Variants in EIF3J observed in about 807,000 individuals in gnomAD.
EIF3J encodes eukaryotic translation initiation factor 3 subunit J, also known as eukaryotic translation initiation factor 3, subunit 1 (alpha, 35kD).
A neutral mutation model predicts 39.0 loss-of-function variants in EIF3J; 15 were observed. That is an observed-to-expected ratio of 0.38 (90% CI 0.26 to 0.59). The LOEUF (loss-of-function observed/expected upper bound fraction) is 0.59, where lower values mean the gene tolerates loss of function less well. EIF3J is among the 20% of genes least tolerant of loss of function. The probability of loss-of-function intolerance (pLI) is 0.60; values close to 1 mark genes in which losing one functional copy is unlikely to be tolerated. For synonymous variants in EIF3J, 98 were observed against 112.9 expected (o/e 0.87, Z 0.84); for missense variants, 226 against 308.6 (o/e 0.73, Z 2.00).
chr15:44,551,033 G>C (rs2082094624), intron 3 of EIF3J, 103 bp downstream of exon 3: 2 of 1,463,796 alleles, frequency 1.4e-6, no homozygotes, highest in Non-Finnish European at 1.8e-6. Flanking sequence ...GAACATTTTG[G>C]TATTTAGAAA....
At chr15:44,538,581 G>T (rs988041890) in intron 2 of EIF3J, among the ~76,000 whole-genome samples, 1 of 152,186 alleles carries the variant, frequency 6.6e-6, no homozygotes, top group Admixed American at 6.5e-5. Flanking sequence ...GTCCGATGAG[G>T]TTGGATGTGT....
chr15:44,552,261 G>GTTTTT (rs1328322594), intron 4 of EIF3J, among the ~76,000 whole-genome samples: 1 of 150,686 alleles, frequency 6.6e-6, no homozygotes, highest in Non-Finnish European at 1.5e-5. Flanking sequence ...TTTTGTTTTT[G>GTTTTT]TTTTTAGACA....
chr15:44,560,382 A>G (rs1048902546), intron 7 of EIF3J, 60 bp downstream of exon 7: 5 of 1,482,558 alleles, frequency 3.4e-6, no homozygotes, highest in African/African-American at 1.4e-5. Flanking sequence ...TAGGTCTAAC[A>G]GTCAACAAAT....
Position 44,537,381 on chromosome 15 carries a change from C to T in EIF3J, c.101C>T (p.Ala34Val), listed in dbSNP as rs1202109216. ...CGGAAGGTGGGGGGCGGCGGCACTG[C>T]CGGCGGGGACCGCTGGGAAGGCGAG... is the stretch of plus-strand genomic sequence containing the variant. Reference protein sequence around the residue: ...PVRKVGGGGTAGGDRWEGEDE... With the variant: ...PVRKVGGGGTVGGDRWEGEDE... The change falls in exon 2 of 8, where the codon GCC becomes GTC. Residue 34 changes from alanine to valine, a missense_variant. This residue lies in a region of EIF3J where 143 missense variants were observed against 156.0 expected (regional missense o/e 0.92). Transcript: ENST00000261868. The T allele has an allele frequency of 1.3e-6, 2 of 1,565,904 alleles. No individual in the cohort carries two copies. Among genetic ancestry groups the T allele is most frequent in the East Asian group, 2.3e-5 (1 of 42,574 alleles).
At position 44,548,540 on chromosome 15, in the gene EIF3J, C is replaced by T. The variant is rs1224835620; in HGVS notation, c.148-2336C>T. The stretch of plus-strand genomic sequence containing the variant: ...TGAAAATTTAGTATATGGTAAGTCA[C>T]AAGGTATCTTAAAATGTTTTTTGCT... On this transcript the variant is annotated intron_variant, in intron 2 of 7. Coordinates refer to ENST00000261868, the MANE Select transcript of EIF3J (RefSeq NM_003758.4). Among the ~76,000 whole-genome samples, 5 of 152,132 alleles carry T rather than the reference C, an allele frequency of 3.3e-5. No individual in the cohort carries two copies. In the East Asian group the frequency reaches 9.6e-4, roughly 29 times the overall value.
At chr15:44,558,469 C>A (rs1231919570) in intron 6 of EIF3J, among the ~76,000 whole-genome samples, 1 of 151,204 alleles carries the variant, frequency 6.6e-6, no homozygotes, top group African/African-American at 2.4e-5. Flanking sequence ...GCAAAGCTTG[C>A]AGTGAGCTGA....
chr15:44,547,012 G>A (rs992650299), intron 2 of EIF3J, among the ~76,000 whole-genome samples: 4 of 151,634 alleles, frequency 2.6e-5, no homozygotes, highest in Admixed American at 2.0e-4. Flanking sequence ...TAGTATAAAC[G>A]GGGTTTCATC....
In EIF3J at chr15:44,561,290, A is replaced by G; in HGVS notation, c.*141A>G. On this transcript the variant is annotated 3_prime_UTR_variant, in exon 8 of 8. Coordinates refer to ENST00000261868, the MANE Select transcript of EIF3J (RefSeq NM_003758.4). ...TGTGCTGGTTATTTAACCCCTTGAC[A>G]CTTAGGTGCTAATGTGCAAATGAGG... The G allele has an allele frequency of 9.9e-7, 1 of 1,006,450 alleles. No individual in the cohort carries two copies. Among genetic ancestry groups the G allele is most frequent in the Non-Finnish European group, 1.4e-6 (1 of 715,240 alleles). The allele number at this position is 1,006,450 out of a possible 1,614,324, so 62.3% of individuals were successfully genotyped here.
chr15:44,555,784 G>C (rs1051665335), intron 5 of EIF3J, among the ~76,000 whole-genome samples: 15 of 152,170 alleles, frequency 9.9e-5, no homozygotes, highest in Admixed American at 7.2e-4. Context: ...AATACCACAT[G>C]TAATATTGTT....
intron 3 of EIF3J, 89 bp from the exon 4 acceptor site, chr15:44,551,342 C>G: frequency 1.2e-6 from 1 of 837,336 alleles, no homozygotes; most frequent in Non-Finnish European, 1.8e-6. Flanking sequence ...AAGGTTTGGT[C>G]TCTTAATAGT....
Position 44,561,511 on chromosome 15 carries a change from A to ACC in EIF3J, c.*363_*364dup, listed in dbSNP as rs1427076127. 5.8e-5 allele frequency: 10 copies of ACC among 173,194 alleles called. No individual in the cohort carries two copies. The highest frequency in any genetic ancestry group is 2.4e-4 in the African/African-American group (10 of 42,142). The allele number at this position is 173,194 out of a possible 1,614,324, so 10.7% of individuals were successfully genotyped here. A position where few individuals can be genotyped will look rare whatever the true frequency, so the allele number is the denominator to read the frequency against. ...AGCACCATTCAGTAATACAGCCTTA[A>ACC]CCATACCTCCTTGAACTACTTCATA... On this transcript the variant is annotated 3_prime_UTR_variant, in exon 8 of 8. Transcript: ENST00000261868.
chr15:44,554,986 A>G (rs1219752940), intron 5 of EIF3J, among the ~76,000 whole-genome samples: 3 of 152,216 alleles, frequency 2.0e-5, no homozygotes, highest in Non-Finnish European at 2.9e-5. Context: ...TGAGGTCTGT[A>G]GCTTTGAAAT....
Position 44,561,944 on chromosome 15 carries a change from ATTTCCTTTCC to A in EIF3J, c.*804_*813del, listed in dbSNP as rs567102041. ...GGAACAACTTTACCAGGGTTTTGGC[ATTTCCTTTCC>A]TTTCCTTTATAAAACATGCTCAGCA... is the stretch of plus-strand genomic sequence containing the variant. On this transcript the variant is annotated 3_prime_UTR_variant, in exon 8 of 8. Coordinates refer to ENST00000261868, the MANE Select transcript of EIF3J (RefSeq NM_003758.4). 3 of 152,592 alleles carry A rather than the reference ATTTCCTTTCC, an allele frequency of 2.0e-5. No homozygotes were observed. The highest frequency in any genetic ancestry group is 4.4e-5 in the Non-Finnish European group (3 of 68,030). The allele number at this position is 152,592 out of a possible 1,614,324, so 9.5% of individuals were successfully genotyped here. A position where few individuals can be genotyped will look rare whatever the true frequency, so the allele number is the denominator to read the frequency against.
chr15:44,543,291 G>A (rs1006694118), intron 2 of EIF3J, among the ~76,000 whole-genome samples: 2 of 152,108 alleles, frequency 1.3e-5, no homozygotes, highest in Non-Finnish European at 2.9e-5. Flanking sequence ...GTGCTAGTTT[G>A]GTAGTAACTT....
At chr15:44,537,509 G>T in intron 2 of EIF3J, 82 bp downstream of exon 2, 1 of 1,363,560 alleles carries the variant, frequency 7.3e-7, no homozygotes, top group Non-Finnish European at 9.5e-7. Context: ...GGTCGCTGCC[G>T]GGGCCTGCGG....
At position 44,561,209 on chromosome 15, in the gene EIF3J, C is replaced by G; in HGVS notation, c.*60C>G. 1 of 1,550,044 alleles carries G rather than the reference C, an allele frequency of 6.5e-7. No homozygotes were observed. The highest frequency in any genetic ancestry group is 1.8e-5 in the Admixed American group (1 of 55,070). ...CCCACAATCCCTTGAACATGTAGCA[C>G]AACTTCCTTTCCTTTCAGTTCTGCC... On this transcript the variant is annotated 3_prime_UTR_variant, in exon 8 of 8. Transcript: ENST00000261868.
intron 5 of EIF3J, 36 bp from the exon 6 acceptor site, chr15:44,557,453 C>T: frequency 1.4e-6 from 2 of 1,449,904 alleles, no homozygotes; most frequent in Non-Finnish European, 1.8e-6. Context: ...AAATCCTAAC[C>T]TCCTGATACT....
In EIF3J at chr15:44,543,190, C is replaced by T. The variant is rs368715699; in HGVS notation, c.147+5763C>T. 9.1e-4 allele frequency among the ~76,000 whole-genome samples: 139 copies of T among 152,206 alleles called. No individual in the cohort carries two copies. In the South Asian group the frequency reaches 0.013, roughly 15 times the overall value. On this transcript the variant is annotated intron_variant, in intron 2 of 7. Transcript: ENST00000261868. ...ACTCTAACTTCCTGGGGAAAGCTAC[C>T]TGGCCTTTTGCTTTTATAATTACAT...
At chr15:44,540,261 ATATATATTT>A (rs1294063170) in intron 2 of EIF3J, among the ~76,000 whole-genome samples, 62 of 57,832 alleles carry the variant, frequency 1.1e-3, no homozygotes, top group African/African-American at 3.1e-3. Context: ...ATATATATAT[ATATATATTT>A]TTTTTTTTTT....
Sources: gnomAD v4.1 joint callset for allele counts (sites outside exome capture counted in the v4.1 genomes callset) on GRCh38, gnomAD v4.1.1 for gene constraint, gnomAD v4.1.1 regional missense constraint, MANE v1.5 for transcripts, NCBI Gene and HGNC (gene_info 2026-07-23, HGNC 2026-07-21) for gene names.